ITGB6: variants seen among roughly 807,000 people sequenced by gnomAD.
ITGB6 encodes the protein integrin beta-6.
Under a neutral mutation model 84.5 loss-of-function variants are expected in ITGB6, and 80 were observed. The ratio of observed to expected loss-of-function variants is 0.95; its 90% CI spans 0.79 to 1.14. The LOEUF is 1.14. ITGB6 is among the 50% of genes most tolerant of loss of function. The pLI, the probability that ITGB6 is intolerant of heterozygous loss-of-function variation, is 0.00. For synonymous variants in ITGB6, 383 were observed against 354.9 expected (o/e 1.08, Z -0.89); for missense variants, 1,006 against 968.0 (o/e 1.04, Z -0.52).
intron 7 of ITGB6, among the ~76,000 whole-genome samples, chr2:160,145,105 A>G (rs1046133497): frequency 2.6e-5 from 4 of 152,206 alleles, no homozygotes; most frequent in African/African-American, 9.7e-5. Context: ...TTAACGCACT[A>G]TTATAAATCG....
chr2:160,197,675 G>A (rs1472375355), intron 2 of ITGB6, among the ~76,000 whole-genome samples: 1 of 152,248 alleles, frequency 6.6e-6, no homozygotes, highest in African/African-American at 2.4e-5. Flanking sequence ...CAGTAGGCCT[G>A]TGCGTGTCTG....
chr2:160,190,451 A>G lies in ITGB6; in HGVS notation c.593+4918T>C, dbSNP rs192904072. On this transcript the variant is annotated intron_variant, in intron 4 of 14. Coordinates refer to ENST00000283249, the MANE Select transcript of ITGB6 (RefSeq NM_000888.5). ...GATGAAATGATTCACCTAAGCTCAC[A>G]TTATGAGTGAATATATGAATCAAGA... Among the ~76,000 whole-genome samples the G allele has an allele frequency of 3.0e-3, 455 of 152,316 alleles. 1 individual carries two copies. The highest frequency in any genetic ancestry group is 0.025 in the South Asian group (120 of 4,830).
intron 7 of ITGB6, among the ~76,000 whole-genome samples, chr2:160,145,100 G>A (rs375974303): frequency 7.2e-5 from 11 of 152,080 alleles, no homozygotes; most frequent in East Asian, 3.8e-4. Flanking sequence ...AAGTCTTAAC[G>A]CACTATTATA....
chr2:160,122,864 T>C (rs751779015), intron 12 of ITGB6, among the ~76,000 whole-genome samples: 17 of 152,208 alleles, frequency 1.1e-4, no homozygotes, highest in Non-Finnish European at 2.1e-4. Context: ...TTCCATCTAT[T>C]CAAGAGACAC....
intron 4 of ITGB6, among the ~76,000 whole-genome samples, chr2:160,188,868 C>T (rs146140592): frequency 3.0e-4 from 45 of 152,074 alleles, no homozygotes; most frequent in African/African-American, 9.4e-4. Context: ...CCTCCCAAAA[C>T]GCTGGGATTG....
At chr2:160,102,836 T>C (rs1029138237) in intron 14 of ITGB6, among the ~76,000 whole-genome samples, 10 of 152,332 alleles carry the variant, frequency 6.6e-5, no homozygotes, top group South Asian at 2.1e-4. Flanking sequence ...ATGACCGTAC[T>C]GAAGACACTC....
In ITGB6 at chr2:160,100,892, T is replaced by TA. The variant is rs1435442634; in HGVS notation, c.*843dup. The TA allele has an allele frequency of 1.3e-5, 2 of 152,140 alleles. No individual in the cohort carries two copies. The highest frequency in any genetic ancestry group is 2.4e-5 in the African/African-American group (1 of 41,424). The allele number at this position is 152,140 out of a possible 1,614,324, so 9.4% of individuals were successfully genotyped here. ...CTAAGCATTTAAAGTAATTTTTTTT[T>TA]AAAAAGAAACTTTGGTATGACAATT... On this transcript the variant is annotated 3_prime_UTR_variant, in exon 15 of 15. Transcript: ENST00000283249.
intron 10 of ITGB6, 139 bp from the exon 11 acceptor site, chr2:160,126,740 G>A: frequency 1.4e-6 from 1 of 709,812 alleles, no homozygotes; most frequent in Non-Finnish European, 2.3e-6. Flanking sequence ...GTATGTGTGT[G>A]AGGGGTGCAG....
intron 12 of ITGB6, among the ~76,000 whole-genome samples, chr2:160,118,424 T>C (rs567848219): frequency 2.0e-4 from 31 of 152,314 alleles, no homozygotes; most frequent in African/African-American, 7.5e-4. Context: ...CACATGATTA[T>C]CTCAATAGAT....
chr2:160,188,590 G>A lies in ITGB6; in HGVS notation c.593+6779C>T, dbSNP rs529568901. 1.4e-4 allele frequency among the ~76,000 whole-genome samples: 21 copies of A among 151,084 alleles called. No individual in the cohort carries two copies. The South Asian group carries it at 3.8e-3, about 27-fold the overall frequency. On this transcript the variant is annotated intron_variant, in intron 4 of 14. Coordinates refer to ENST00000283249, the MANE Select transcript of ITGB6 (RefSeq NM_000888.5). The stretch of plus-strand genomic sequence containing the variant: ...GGCCCAATGCCAAATGCTTTTAATC[G>A]TTAACTCATTCAATTCTTTTTTTTT...
chr2:160,110,898 G>T (rs572683645), intron 13 of ITGB6, among the ~76,000 whole-genome samples: 2 of 152,362 alleles, frequency 1.3e-5, no homozygotes, highest in Admixed American at 1.3e-4. Context: ...TGTTGAGGAA[G>T]AGGGAGCCTG....
At chr2:160,156,530 T>G (rs1684629424) in intron 7 of ITGB6, among the ~76,000 whole-genome samples, 1 of 152,046 alleles carries the variant, frequency 6.6e-6, no homozygotes, top group Non-Finnish European at 1.5e-5. Flanking sequence ...CTACTCAGGG[T>G]TAGTGGGCTC....
At chr2:160,158,625 C>T (rs1684710892) in intron 7 of ITGB6, among the ~76,000 whole-genome samples, 1 of 152,192 alleles carries the variant, frequency 6.6e-6, no homozygotes, top group South Asian at 2.1e-4. Flanking sequence ...AGCCTATGTG[C>T]TTTGCAGGCC....
intron 8 of ITGB6, among the ~76,000 whole-genome samples, chr2:160,140,388 A>G (rs184265891): frequency 6.2e-4 from 94 of 152,356 alleles, no homozygotes; most frequent in African/African-American, 1.9e-3. Context: ...AAAGTGAGCC[A>G]TAACCTCTGG....
At position 160,129,265 on chromosome 2, in the gene ITGB6, A is replaced by T. The variant is rs1225539656; in HGVS notation, c.1661-2664T>A. ...AATGATTTTAAAAGTGTTTAAAATA[A>T]TGGGCTTCTGTGTCATTTCCATAAT... On this transcript the variant is annotated intron_variant, in intron 10 of 14. Transcript: ENST00000283249. 2.0e-5 allele frequency among the ~76,000 whole-genome samples: 3 copies of T among 152,248 alleles called. No homozygotes were observed. In the East Asian group the frequency reaches 5.8e-4, roughly 29 times the overall value.
chr2:160,162,568 G>C (rs540246764), intron 7 of ITGB6, among the ~76,000 whole-genome samples: 11 of 152,174 alleles, frequency 7.2e-5, no homozygotes, highest in African/African-American at 2.4e-4. Context: ...AAATATGGTG[G>C]CAAAATGTTA....
In ITGB6 at chr2:160,100,883, A is replaced by T. The variant is rs557770355; in HGVS notation, c.*853T>A. ...TTGAATAAACTAAGCATTTAAAGTAATTTTTTTTTAAAAAGAAACTTTGGT... is the reference window on the plus strand; with the variant it reads ...TTGAATAAACTAAGCATTTAAAGTATTTTTTTTTTAAAAAGAAACTTTGGT... On this transcript the variant is annotated 3_prime_UTR_variant, in exon 15 of 15. Transcript: ENST00000283249. The T allele has an allele frequency of 6.6e-6, 1 of 151,948 alleles. No individual in the cohort carries two copies. The highest frequency in any genetic ancestry group is 1.9e-4 in the East Asian group (1 of 5,182). The allele number at this position is 151,948 out of a possible 1,614,324, so 9.4% of individuals were successfully genotyped here.
At chr2:160,123,934 T>C (rs1277704852) in intron 11 of ITGB6, 46 bp from the exon 12 acceptor site, 1 of 1,398,354 alleles carries the variant, frequency 7.2e-7, no homozygotes, top group African/African-American at 1.4e-5. Flanking sequence ...TGGTGGAAAA[T>C]AGATTTGCAG....
intron 12 of ITGB6, among the ~76,000 whole-genome samples, chr2:160,120,231 G>A (rs1387555721): frequency 6.6e-6 from 1 of 151,568 alleles, no homozygotes; most frequent in Non-Finnish European, 1.5e-5. Context: ...TGTTTATTGT[G>A]GCACTATTTA....
Sources: allele counts gnomAD v4.1 joint callset (sites outside exome capture counted in the v4.1 genomes callset), GRCh38; gene constraint gnomAD v4.1.1; transcripts MANE v1.5; gene names NCBI Gene and HGNC (gene_info 2026-07-23, HGNC 2026-07-21).